The following ABCC4 variants were observed in gnomAD, a reference collection of about 807,000 sequenced individuals.
ABCC4 encodes the protein ATP binding cassette subfamily C member 4 (PEL blood group), also known as ATP-binding cassette sub-family C member 4.
In ABCC4, 102 loss-of-function variants were observed where a neutral mutation model predicts 168.5. The ratio of observed to expected loss-of-function variants is 0.61; its 90% CI spans 0.52 to 0.71. ABCC4 has a LOEUF of 0.71. ABCC4 is among the 30% of genes least tolerant of loss of function. ABCC4 has a pLI of 0.00. For synonymous variants in ABCC4, 617 were observed against 590.7 expected, an observed-to-expected ratio of 1.04 and a Z score of -0.65; for missense variants, 1,402 against 1,605.8, an observed-to-expected ratio of 0.87 and a Z score of 2.17.
chr13:95,213,399 G>T (rs1178957147), intron 4 of ABCC4, among the ~76,000 whole-genome samples: 1 of 152,204 alleles, frequency 6.6e-6, no homozygotes, highest in African/African-American at 2.4e-5. Context: ...GGAAGAGATG[G>T]TTGTTCCAAG....
In ABCC4 at chr13:95,290,139, GATA is replaced by G. The variant is rs1566604095; in HGVS notation, c.74+11099_74+11101del. On this transcript the variant is annotated intron_variant, in intron 1 of 30. Transcript: ENST00000645237. ...AGATAGATAGATAGATAGATAGATA[GATA>G]GATAGATGATAGATAGATAGATGCG... Among the ~76,000 whole-genome samples the G allele has an allele frequency of 1.8e-3, 272 of 151,912 alleles. 1 individual carries two copies. Among genetic ancestry groups the G allele is most frequent in the African/African-American group, 6.2e-3 (257 of 41,418 alleles).
At chr13:95,125,954 C>T (rs1000513630) in intron 19 of ABCC4, among the ~76,000 whole-genome samples, 32 of 152,124 alleles carry the variant, frequency 2.1e-4, no homozygotes, top group African/African-American at 6.8e-4. Context: ...ATCTCTAGGA[C>T]GACTGCTCTC....
intron 19 of ABCC4, among the ~76,000 whole-genome samples, chr13:95,137,014 C>T (rs1355909939): frequency 6.6e-6 from 1 of 152,214 alleles, no homozygotes; most frequent in African/African-American, 2.4e-5. Flanking sequence ...CTGCAGAGAA[C>T]TCTGGCAAAT....
At chr13:95,234,343 T>A (rs1391772783) in intron 4 of ABCC4, among the ~76,000 whole-genome samples, 1 of 152,242 alleles carries the variant, frequency 6.6e-6, no homozygotes, top group Non-Finnish European at 1.5e-5. Flanking sequence ...CTGACAGCAG[T>A]AGAAAACTTT....
At chr13:95,055,213 T>C (rs2033009477) in intron 26 of ABCC4, among the ~76,000 whole-genome samples, 1 of 152,238 alleles carries the variant, frequency 6.6e-6, no homozygotes, top group Non-Finnish European at 1.5e-5. Flanking sequence ...ATAACCATCA[T>C]TCTGGTTATT....
intron 9 of ABCC4, among the ~76,000 whole-genome samples, chr13:95,190,104 G>A (rs1386397394): frequency 6.6e-6 from 1 of 152,148 alleles, no homozygotes; most frequent in Non-Finnish European, 1.5e-5. Flanking sequence ...CAACATTTTG[G>A]GAGATGGAGG....
chr13:95,175,124 A>G (rs939915421), intron 13 of ABCC4, among the ~76,000 whole-genome samples: 2 of 152,036 alleles, frequency 1.3e-5, no homozygotes, highest in Non-Finnish European at 2.9e-5. Context: ...TGCTCAGTGG[A>G]TGACTTCATG....
At chr13:95,281,527 G>C (rs2041126491) in intron 1 of ABCC4, among the ~76,000 whole-genome samples, 1 of 152,052 alleles carries the variant, frequency 6.6e-6, no homozygotes, top group Admixed American at 6.6e-5. Context: ...AATTCAGAAG[G>C]AAGCAAAGTA....
chr13:95,048,711 C>G (rs2032698564), intron 27 of ABCC4, among the ~76,000 whole-genome samples: 1 of 152,184 alleles, frequency 6.6e-6, no homozygotes, highest in South Asian at 2.1e-4. Context: ...ATTCTAACAG[C>G]AATTCTATCA....
intron 3 of ABCC4, among the ~76,000 whole-genome samples, chr13:95,241,157 GATCGAGACC>G (rs1179418051): frequency 6.6e-6 from 1 of 152,030 alleles, no homozygotes; most frequent in Non-Finnish European, 1.5e-5. Flanking sequence ...AAGGTCAAGA[GATCGAGACC>G]ATCCTGGCCA....
At chr13:95,221,026 G>A (rs542500699) in intron 4 of ABCC4, among the ~76,000 whole-genome samples, 6 of 152,290 alleles carry the variant, frequency 3.9e-5, no homozygotes, top group African/African-American at 1.4e-4. Flanking sequence ...CTGAGAAAAT[G>A]TATGACATAA....
At chr13:95,285,432 C>A (rs1419139935) in intron 1 of ABCC4, among the ~76,000 whole-genome samples, 1 of 151,988 alleles carries the variant, frequency 6.6e-6, no homozygotes, top group Non-Finnish European at 1.5e-5. Context: ...TGCCTGTAAT[C>A]CCAGCTATTT....
At chr13:95,182,582 T>G (rs1038791085) in intron 11 of ABCC4, among the ~76,000 whole-genome samples, 1 of 152,246 alleles carries the variant, frequency 6.6e-6, no homozygotes, top group Non-Finnish European at 1.5e-5. Flanking sequence ...TTGGTGGCTC[T>G]TATAATTAAG....
intron 4 of ABCC4, among the ~76,000 whole-genome samples, chr13:95,233,867 A>C (rs561733397): frequency 7.2e-4 from 110 of 152,312 alleles, no homozygotes; most frequent in South Asian, 6.0e-3. Flanking sequence ...CCAACATAAA[A>C]TAGAAACACT....
Position 95,178,072 on chromosome 13 carries a change from T to A in ABCC4, c.1565A>T (p.Asp522Val). Residue 522 changes from aspartate to valine, a missense_variant, in exon 12 of 31, where the codon GAT becomes GTT. Physicochemically the swap from Asp to Val is radical, Grantham distance 152. Transcript: ENST00000645237. The stretch of plus-strand genomic sequence containing the variant: ...ATCTCCTATCACAGTCAGATCACCA[T>A]CCTCCAACAGCTGTAAATCCTGTAT... ...ALKKDLQLLEDGDLTVIGDRG... is the reference protein window; with the variant it reads ...ALKKDLQLLEVGDLTVIGDRG... The A allele has an allele frequency of 1.2e-6, 2 of 1,614,104 alleles. No individual in the cohort carries two copies. The highest frequency in any genetic ancestry group is 1.7e-6 in the Non-Finnish European group (2 of 1,179,984).
At chr13:95,246,456 G>A (rs963637509) in intron 3 of ABCC4, among the ~76,000 whole-genome samples, 5 of 152,186 alleles carry the variant, frequency 3.3e-5, no homozygotes, top group Non-Finnish European at 7.3e-5. Flanking sequence ...CTGTTTCCCC[G>A]AGAGGGGAGA....
intron 26 of ABCC4, among the ~76,000 whole-genome samples, chr13:95,059,174 G>C (rs2033189559): frequency 6.6e-6 from 1 of 152,210 alleles, no homozygotes; most frequent in Admixed American, 6.5e-5. Flanking sequence ...GAGGGTTCAG[G>C]AACTCAGGAT....
intron 4 of ABCC4, among the ~76,000 whole-genome samples, chr13:95,218,564 T>A (rs2039187669): frequency 6.6e-6 from 1 of 152,098 alleles, no homozygotes; most frequent in South Asian, 2.1e-4. Context: ...CAGAAAGTTC[T>A]CCGTAGGCCA....
intron 20 of ABCC4, among the ~76,000 whole-genome samples, chr13:95,089,479 G>A (rs778194045): frequency 1.1e-4 from 16 of 152,026 alleles, no homozygotes; most frequent in African/African-American, 1.9e-4. Context: ...TTAGCTAGGC[G>A]TGGTCACGGG....
Sources: gnomAD v4.1 joint callset for allele counts (sites outside exome capture counted in the v4.1 genomes callset) on GRCh38, gnomAD v4.1.1 for gene constraint, MANE v1.5 for transcripts, NCBI Gene and HGNC (gene_info 2026-07-23, HGNC 2026-07-21) for gene names.